Variants in TSEN15 observed in about 807,000 individuals in gnomAD.
TSEN15 encodes the protein tRNA splicing endonuclease subunit 15, also known as tRNA-splicing endonuclease subunit Sen15.
TSEN15 carries 10 observed loss-of-function variants against 20.5 expected under a neutral mutation model. That is an observed-to-expected ratio of 0.49 (90% CI 0.30 to 0.83). The LOEUF is 0.83. Ranked by LOEUF, TSEN15 falls within the 40% of genes least tolerant of loss-of-function variation. The pLI, the probability that TSEN15 is intolerant of heterozygous loss-of-function variation, is 0.06. For missense variants in TSEN15, 180 were observed against 218.6 expected (o/e 0.82, Z 1.11); for synonymous variants, 72 against 80.1 (o/e 0.90, Z 0.54).
chr1:184,060,986 C>A (rs918529990), intron 3 of TSEN15, among the ~76,000 whole-genome samples: 5 of 152,102 alleles, frequency 3.3e-5, no homozygotes, highest in African/African-American at 9.7e-5. Context: ...CAATGTGCCC[C>A]ATCCCAATCA....
chr1:184,068,119 C>G (rs1237648125), intron 3 of TSEN15, among the ~76,000 whole-genome samples: 1 of 151,194 alleles, frequency 6.6e-6, no homozygotes, highest in East Asian at 1.9e-4. Context: ...TGCCCTTTCA[C>G]CCCTCTTTTT....
At chr1:184,093,276 T>C (rs1385043650) in intron 3 of TSEN15, among the ~76,000 whole-genome samples, 1 of 152,216 alleles carries the variant, frequency 6.6e-6, no homozygotes, top group African/African-American at 2.4e-5. Flanking sequence ...GGACACTGGA[T>C]CTGCCTATGG....
chr1:184,081,014 A>G (rs1373060697), intron 3 of TSEN15, among the ~76,000 whole-genome samples: 2 of 152,228 alleles, frequency 1.3e-5, no homozygotes, highest in Non-Finnish European at 2.9e-5. Context: ...CAAATATGTT[A>G]TTATTAGATT....
At chr1:184,080,039 G>A (rs1435406307) in intron 3 of TSEN15, among the ~76,000 whole-genome samples, 1 of 152,162 alleles carries the variant, frequency 6.6e-6, no homozygotes, top group Non-Finnish European at 1.5e-5. Flanking sequence ...ATCATCATAT[G>A]TGTATTATTT....
intron 3 of TSEN15, chr1:184,058,203 T>C (rs1160681090): frequency 2.3e-6 from 1 of 434,362 alleles, no homozygotes; most frequent in African/African-American, 2.0e-5. Context: ...TAAAGCTTGT[T>C]TTCTTCTTCA....
At chr1:184,056,439 A>G (rs1650251398) in intron 3 of TSEN15, among the ~76,000 whole-genome samples, 1 of 151,916 alleles carries the variant, frequency 6.6e-6, no homozygotes, top group African/African-American at 2.4e-5. Flanking sequence ...AATTCTTTAT[A>G]TATTCTTGAC....
chr1:184,064,497 T>C (rs1650576750), intron 3 of TSEN15, among the ~76,000 whole-genome samples: 1 of 151,310 alleles, frequency 6.6e-6, no homozygotes, highest in Admixed American at 6.6e-5. Flanking sequence ...ATGGGAATGA[T>C]GGGAAAAGGA....
At chr1:184,083,702 G>C (rs1427432647) in intron 3 of TSEN15, among the ~76,000 whole-genome samples, 1 of 152,050 alleles carries the variant, frequency 6.6e-6, no homozygotes, top group Non-Finnish European at 1.5e-5. Context: ...CAAGAATGTT[G>C]CTTTTTTCTG....
intron 3 of TSEN15, among the ~76,000 whole-genome samples, chr1:184,081,666 T>A (rs1651171788): frequency 6.6e-6 from 1 of 152,178 alleles, no homozygotes. Flanking sequence ...GAGTTAAACC[T>A]CAAACTATTG....
At chr1:184,072,728 G>T (rs1650931569) in intron 4 of TSEN15, 99 bp from the exon 5 acceptor site, 2 of 938,074 alleles carry the variant, frequency 2.1e-6, no homozygotes, top group South Asian at 2.9e-5. Context: ...ATACTTTGTT[G>T]GTATAATTTG....
intron 3 of TSEN15, among the ~76,000 whole-genome samples, chr1:184,088,876 A>G (rs1259073449): frequency 6.6e-6 from 1 of 152,158 alleles, no homozygotes; most frequent in African/African-American, 2.4e-5. Context: ...TTACGCACCT[A>G]AAGTGAAGTG....
At chr1:184,071,759 A>G (rs907164813) in intron 3 of TSEN15, among the ~76,000 whole-genome samples, 4 of 152,052 alleles carry the variant, frequency 2.6e-5, no homozygotes, top group African/African-American at 9.7e-5. Context: ...AAATAGCTAA[A>G]TGGCAGGCAT....
Position 184,073,654 on chromosome 1 carries a change from T to C in TSEN15, c.*807T>C, listed in dbSNP as rs1209838735. ...GTATAAAAAATTATATGCACAAAGA[T>C]GTTCCAAGTGACATTACTTTTAGTA... On this transcript the variant is annotated 3_prime_UTR_variant, in exon 5 of 5. Coordinates refer to ENST00000645668, the MANE Select transcript of TSEN15 (RefSeq NM_052965.4). 2 of 152,640 alleles carry C rather than the reference T, an allele frequency of 1.3e-5. No homozygotes were observed. The highest frequency in any genetic ancestry group is 4.8e-5 in the African/African-American group (2 of 41,444). The allele number at this position is 152,640 out of a possible 1,614,324, so 9.5% of individuals were successfully genotyped here. A position where few individuals can be genotyped will look rare whatever the true frequency, so the allele number is the denominator to read the frequency against.
chr1:184,083,233 C>T lies in TSEN15; in HGVS notation c.354-12457C>T, dbSNP rs370369384. ...ACCAGCTGCTTTTCTGCCCTGTCCA[C>T]TTTGTACAGAAAGCAGAGCTTCATG... is the stretch of plus-strand genomic sequence containing the variant. On this transcript the variant is annotated intron_variant, in intron 3 of 3. Transcript: ENST00000643231. 6.6e-5 allele frequency among the ~76,000 whole-genome samples: 10 copies of T among 152,276 alleles called. No homozygotes were observed. In the East Asian group the frequency reaches 1.9e-3, roughly 29 times the overall value.
At chr1:184,056,767 C>G (rs1205724176) in intron 3 of TSEN15, among the ~76,000 whole-genome samples, 1 of 152,174 alleles carries the variant, frequency 6.6e-6, no homozygotes, top group Non-Finnish European at 1.5e-5. Context: ...TGACATATCA[C>G]TTCTGCTACT....
intron 3 of TSEN15, among the ~76,000 whole-genome samples, chr1:184,079,686 ATTAACT>A (rs1256050545): frequency 3.3e-5 from 5 of 152,138 alleles, no homozygotes; most frequent in African/African-American, 1.2e-4. Flanking sequence ...TTATGACATC[ATTAACT>A]TTAATTACCT....
At chr1:184,051,917 G>T in intron 1 of TSEN15, 27 bp downstream of exon 1, 1 of 1,500,566 alleles carries the variant, frequency 6.7e-7, no homozygotes, top group African/African-American at 1.4e-5. Context: ...GGAGCAGGGC[G>T]CCGTCCAGGC....
chr1:184,088,670 A>T (rs1375322502), intron 3 of TSEN15, among the ~76,000 whole-genome samples: 1 of 121,532 alleles, frequency 8.2e-6, no homozygotes, highest in East Asian at 2.1e-4. Flanking sequence ...TACACATGTC[A>T]TGTTTAATTG....
intron 3 of TSEN15, among the ~76,000 whole-genome samples, chr1:184,069,433 A>G (rs1025257970): frequency 6.6e-6 from 1 of 152,124 alleles, no homozygotes; most frequent in African/African-American, 2.4e-5. Context: ...GAAACATACA[A>G]TATTTCCAGT....
Sources: allele counts gnomAD v4.1 joint callset (sites outside exome capture counted in the v4.1 genomes callset), GRCh38; gene constraint gnomAD v4.1.1; transcripts MANE v1.5; gene names NCBI Gene and HGNC (gene_info 2026-07-23, HGNC 2026-07-21).